The following GDPD5 variants were observed in gnomAD, a reference collection of about 807,000 sequenced individuals.
The protein encoded by GDPD5 is glycerophosphodiester phosphodiesterase domain containing 5, also known as glycerophosphodiester phosphodiesterase 2.
GDPD5 carries 48 observed loss-of-function variants against 75.1 expected under a neutral mutation model. The observed-to-expected ratio is 0.64, with a 90% CI of 0.51 to 0.81. The LOEUF is 0.81. Ranked by LOEUF, GDPD5 falls within the 40% of genes least tolerant of loss-of-function variation. GDPD5 has a pLI of 0.00. For missense variants in GDPD5, 706 were observed against 822.6 expected, an observed-to-expected ratio of 0.86 and a Z score of 1.73; for synonymous variants, 336 against 339.0, an observed-to-expected ratio of 0.99 and a Z score of 0.10.
chr11:75,507,991 T>C (rs1012617328), intron 1 of GDPD5, among the ~76,000 whole-genome samples: 5 of 151,948 alleles, frequency 3.3e-5, no homozygotes, highest in African/African-American at 1.2e-4. Context: ...CAGTAGGATT[T>C]TATAGATTAT....
intron 3 of GDPD5, among the ~76,000 whole-genome samples, chr11:75,468,180 G>A (rs552663512): frequency 4.6e-5 from 7 of 152,304 alleles, no homozygotes; most frequent in Non-Finnish European, 7.4e-5. Flanking sequence ...CCCACTACTA[G>A]GGATCCTGAA....
chr11:75,480,097 A>C (rs946621212), intron 2 of GDPD5, among the ~76,000 whole-genome samples: 1 of 152,104 alleles, frequency 6.6e-6, no homozygotes, highest in Non-Finnish European at 1.5e-5. Context: ...CACTTTGGGA[A>C]GCCAAGGCAG....
chr11:75,495,013 A>AG (rs1950184673), intron 1 of GDPD5, among the ~76,000 whole-genome samples: 1 of 151,978 alleles, frequency 6.6e-6, no homozygotes, highest in African/African-American at 2.4e-5. Context: ...CACGTCTGTA[A>AG]TCTCAGCACT....
intron 2 of GDPD5, chr11:75,479,634 T>C (rs993260315): frequency 6.6e-6 from 1 of 152,216 alleles, no homozygotes; most frequent in Non-Finnish European, 1.5e-5. Context: ...CCATCACCAC[T>C]ATCTAATCCC....
At chr11:75,444,624 G>A in intron 9 of GDPD5, 129 bp from the exon 10 acceptor site, 1 of 685,544 alleles carries the variant, frequency 1.5e-6, no homozygotes, top group Non-Finnish European at 2.6e-6. Context: ...CCACAGAGTA[G>A]CTGTGTGACC....
rs142864679 is a variant in GDPD5 at position 75,514,907 on chromosome 11, C to G, written c.-145+10303G>C. Among the ~76,000 whole-genome samples the G allele has an allele frequency of 3.6e-4, 55 of 152,346 alleles. 1 individual carries two copies. The highest frequency in any genetic ancestry group is 1.3e-3 in the African/African-American group (53 of 41,590). ...CTCATTCATTATGTCATTTTACTTT[C>G]AAACCAGCCTGGAAGGTAAGTGTTG... is the stretch of plus-strand genomic sequence containing the variant. On this transcript the variant is annotated intron_variant, in intron 1 of 16. Coordinates refer to ENST00000336898, the MANE Select transcript of GDPD5 (RefSeq NM_030792.8).
intron 3 of GDPD5, among the ~76,000 whole-genome samples, chr11:75,476,906 C>G (rs1350446915): frequency 6.6e-6 from 1 of 152,118 alleles, no homozygotes; most frequent in African/African-American, 2.4e-5. Context: ...ACCCTGCCAC[C>G]CCCTGGCCAC....
At chr11:75,445,396 C>A (rs182325839) in intron 9 of GDPD5, among the ~76,000 whole-genome samples, 96 of 152,298 alleles carry the variant, frequency 6.3e-4, no homozygotes, top group Admixed American at 1.2e-3. Flanking sequence ...TCCCCATGTG[C>A]CCCTTAGAGA....
intron 2 of GDPD5, among the ~76,000 whole-genome samples, chr11:75,478,629 AT>A (rs1297714449): frequency 3.3e-5 from 5 of 152,156 alleles, no homozygotes; most frequent in Non-Finnish European, 7.3e-5. Context: ...GAAGGCAAGG[AT>A]TTTTGTCTGT....
chr11:75,450,277 A>G, intron 6 of GDPD5: 1 of 512,350 alleles, frequency 2.0e-6, no homozygotes, highest in Non-Finnish European at 3.5e-6. Flanking sequence ...GGGAACTGTG[A>G]GGAGGGAGGA....
chr11:75,487,619 C>A (rs142494350), intron 2 of GDPD5, among the ~76,000 whole-genome samples: 2,764 of 152,352 alleles, frequency 0.018, 38 homozygotes, highest in Non-Finnish European at 0.027. Flanking sequence ...GTTTACCCAA[C>A]ACTTCTGTCC....
chr11:75,489,653 G>C (rs1285249409), intron 2 of GDPD5, among the ~76,000 whole-genome samples: 1 of 152,164 alleles, frequency 6.6e-6, no homozygotes, highest in Non-Finnish European at 1.5e-5. Flanking sequence ...CCTCAGATTG[G>C]AGGTTAAGGA....
At chr11:75,474,224 C>T (rs896386422) in intron 3 of GDPD5, among the ~76,000 whole-genome samples, 6 of 152,202 alleles carry the variant, frequency 3.9e-5, no homozygotes, top group African/African-American at 1.2e-4. Flanking sequence ...GTGCAAGAAT[C>T]GGCTATGGTA....
chr11:75,484,422 C>T (rs1949981322), intron 2 of GDPD5, among the ~76,000 whole-genome samples: 1 of 152,160 alleles, frequency 6.6e-6, no homozygotes, highest in African/African-American at 2.4e-5. Context: ...GCGTGGGTCT[C>T]CAGACCCCTC....
intron 5 of GDPD5, 65 bp from the exon 6 acceptor site, chr11:75,456,881 A>G: frequency 2.0e-6 from 3 of 1,504,224 alleles, no homozygotes; most frequent in Admixed American, 1.7e-5. Context: ...CCAGTTTCTC[A>G]GACACCCTGC....
At chr11:75,507,105 A>G (rs1950416464) in intron 1 of GDPD5, 1 of 152,666 alleles carries the variant, frequency 6.6e-6, no homozygotes, top group African/African-American at 2.4e-5. Context: ...GCACTGCAGG[A>G]CAAACAGGGA....
intron 1 of GDPD5, among the ~76,000 whole-genome samples, chr11:75,511,446 G>A (rs945035507): frequency 6.6e-6 from 1 of 152,114 alleles, no homozygotes; most frequent in Non-Finnish European, 1.5e-5. Context: ...TCCCTAATTC[G>A]TATTAATACA....
chr11:75,448,927 C>T (rs1252684149), intron 9 of GDPD5, 50 bp downstream of exon 9: 2 of 1,517,112 alleles, frequency 1.3e-6, no homozygotes, highest in Non-Finnish European at 1.8e-6. Flanking sequence ...AGGTCCCCCC[C>T]ATCGCACCCC....
At chr11:75,519,713 C>A (rs1040755600) in intron 1 of GDPD5, among the ~76,000 whole-genome samples, 3 of 152,236 alleles carry the variant, frequency 2.0e-5, no homozygotes, top group African/African-American at 7.2e-5. Context: ...TAGCCCTACC[C>A]TGTGCCACCA....
Sources: gnomAD v4.1 joint callset for allele counts (sites outside exome capture counted in the v4.1 genomes callset) on GRCh38, gnomAD v4.1.1 for gene constraint, MANE v1.5 for transcripts, NCBI Gene and HGNC (gene_info 2026-07-23, HGNC 2026-07-21) for gene names.